RBFOX1: variants seen among roughly 807,000 people sequenced by gnomAD.
RBFOX1 encodes the protein RNA binding protein fox-1 homolog 1.
Under a neutral mutation model 57.7 loss-of-function variants are expected in RBFOX1, and 8 were observed. The observed-to-expected ratio is 0.14, with a 90% CI of 0.08 to 0.25. The LOEUF (loss-of-function observed/expected upper bound fraction) is 0.25, where lower values mean the gene tolerates loss of function less well. Among genes scored for constraint, RBFOX1 ranks in the 10% least tolerant of loss-of-function variants. The pLI, the probability that RBFOX1 is intolerant of heterozygous loss-of-function variation, is 1.00. For missense variants in RBFOX1, 611 were observed against 548.5 expected (o/e 1.11, Z -1.14); for synonymous variants, 326 against 222.4 (o/e 1.47, Z -4.15).
At chr16:7,298,375 G>A (rs927812248) in intron 4 of RBFOX1, among the ~76,000 whole-genome samples, 7 of 136,898 alleles carry the variant, frequency 5.1e-5, no homozygotes, top group Admixed American at 1.7e-4. Context: ...CGCAGCCTCC[G>A]CCTCCTGGGT....
chr16:5,760,350 C>G (rs553888060), intron 3 of RBFOX1, among the ~76,000 whole-genome samples: 5 of 151,436 alleles, frequency 3.3e-5, no homozygotes, highest in African/African-American at 1.2e-4. Context: ...AAGATAAGTA[C>G]TCAGCAATTT....
intron 4 of RBFOX1, among the ~76,000 whole-genome samples, chr16:7,070,658 T>G (rs1241539641): frequency 1.3e-5 from 2 of 152,206 alleles, no homozygotes; most frequent in Middle Eastern, 3.2e-3. Flanking sequence ...CAGAGCCATC[T>G]CCCTTGGCAT....
At chr16:6,152,805 TA>T (rs916820689) in intron 1 of RBFOX1, among the ~76,000 whole-genome samples, 2 of 151,950 alleles carry the variant, frequency 1.3e-5, no homozygotes, top group South Asian at 2.1e-4. Flanking sequence ...AACATCTGTC[TA>T]AAAAAATGCC....
chr16:6,130,824 A>T (rs1354006898), intron 1 of RBFOX1, among the ~76,000 whole-genome samples: 2 of 152,168 alleles, frequency 1.3e-5, no homozygotes, highest in Admixed American at 1.3e-4. Context: ...GGAAGATATA[A>T]CAGCCCTAAA....
chr16:5,270,722 T>G, intron 1 of RBFOX1: 1 of 492,472 alleles, frequency 2.0e-6, no homozygotes, highest in Non-Finnish European at 3.8e-6. Context: ...TTGAAAGAAG[T>G]GGTCAATAAA....
At chr16:5,772,766 C>G (rs574787749) in intron 3 of RBFOX1, among the ~76,000 whole-genome samples, 36 of 152,198 alleles carry the variant, frequency 2.4e-4, no homozygotes, top group African/African-American at 7.9e-4. Flanking sequence ...AGCTTACATT[C>G]TGATTGGCAG....
At chr16:7,031,299 T>TA (rs2042725117) in intron 3 of RBFOX1, among the ~76,000 whole-genome samples, 1 of 152,108 alleles carries the variant, frequency 6.6e-6, no homozygotes, top group African/African-American at 2.4e-5. Flanking sequence ...ACTGTAGAGA[T>TA]AAAAGCAGTA....
chr16:6,110,745 C>T (rs1056059625), intron 1 of RBFOX1, among the ~76,000 whole-genome samples: 4 of 152,082 alleles, frequency 2.6e-5, no homozygotes, highest in African/African-American at 7.2e-5. Flanking sequence ...TTTTGCCCCC[C>T]GCCAGAGGAC....
chr16:5,939,438 A>G lies in RBFOX1; in HGVS notation c.351+72103A>G, dbSNP rs569566056. On this transcript the variant is annotated intron_variant, in intron 4 of 19. Coordinates refer to the RBFOX1 transcript ENST00000641259. ...ACTGGGACTGGGAGAGCTACTCCCAAGATGGCTCACACATGTGGCTTTTGG... is the reference window on the plus strand; with the variant it reads ...ACTGGGACTGGGAGAGCTACTCCCAGGATGGCTCACACATGTGGCTTTTGG... 9.2e-5 allele frequency among the ~76,000 whole-genome samples: 14 copies of G among 152,348 alleles called. No homozygotes were observed. In the South Asian group the frequency reaches 2.9e-3, roughly 32 times the overall value.
chr16:7,117,473 C>T (rs971882106), intron 4 of RBFOX1, among the ~76,000 whole-genome samples: 2 of 152,090 alleles, frequency 1.3e-5, no homozygotes, highest in African/African-American at 4.8e-5. Flanking sequence ...TATCCAATTA[C>T]TTAATGTGTG....
At chr16:5,839,091 G>T (rs1353526266) in intron 3 of RBFOX1, among the ~76,000 whole-genome samples, 1 of 152,164 alleles carries the variant, frequency 6.6e-6, no homozygotes, top group Non-Finnish European at 1.5e-5. Context: ...CTACAGCAAA[G>T]AATTATCTGG....
At chr16:7,385,961 T>TATTTA (rs112997142) in intron 4 of RBFOX1, among the ~76,000 whole-genome samples, 3 of 102,464 alleles carry the variant, frequency 2.9e-5, no homozygotes, top group Non-Finnish European at 6.5e-5. Flanking sequence ...TTTATTTATT[T>TATTTA]TTTATTTTTA....
At chr16:7,596,172 G>GTTT (rs1267738626) in intron 8 of RBFOX1, among the ~76,000 whole-genome samples, 2 of 115,458 alleles carry the variant, frequency 1.7e-5, no homozygotes, top group African/African-American at 3.2e-5. Flanking sequence ...TAAACCTCTC[G>GTTT]TTTTTTTTTT....
intron 1 of RBFOX1, among the ~76,000 whole-genome samples, chr16:6,119,248 A>T (rs1285781633): frequency 6.6e-6 from 1 of 152,070 alleles, no homozygotes; most frequent in Non-Finnish European, 1.5e-5. Flanking sequence ...TATTAATTTT[A>T]GAATTTTTAA....
chr16:6,991,853 T>G (rs908918086), intron 3 of RBFOX1, among the ~76,000 whole-genome samples: 2 of 152,162 alleles, frequency 1.3e-5, no homozygotes, highest in Non-Finnish European at 2.9e-5. Context: ...TTCTGAAATG[T>G]TAATGTGCAT....
chr16:6,445,969 T>G (rs1316163777), intron 2 of RBFOX1, among the ~76,000 whole-genome samples: 1 of 151,552 alleles, frequency 6.6e-6, no homozygotes, highest in Non-Finnish European at 1.5e-5. Flanking sequence ...TTTTAAATTT[T>G]TTTTTATTTT....
chr16:7,320,561 G>C (rs1358707682), intron 4 of RBFOX1, among the ~76,000 whole-genome samples: 2 of 152,126 alleles, frequency 1.3e-5, no homozygotes, highest in African/African-American at 4.8e-5. Flanking sequence ...TTTTGTACTA[G>C]TCCAGAATCT....
At chr16:7,510,482 T>C (rs12919992) in intron 4 of RBFOX1, among the ~76,000 whole-genome samples, 76,745 of 132,950 alleles carry the variant, frequency 0.58, 24,472 homozygotes, top group Non-Finnish European at 0.75. Context: ...TGTGTGTATG[T>C]GTGTCTGTGT....
At chr16:6,321,170 A>G (rs189054999) in intron 2 of RBFOX1, among the ~76,000 whole-genome samples, 34 of 152,310 alleles carry the variant, frequency 2.2e-4, no homozygotes, top group African/African-American at 5.1e-4. Flanking sequence ...TGATGTTTCT[A>G]TACATATACT....
Sources: allele counts gnomAD v4.1 joint callset (sites outside exome capture counted in the v4.1 genomes callset), GRCh38; gene constraint gnomAD v4.1.1; transcripts MANE v1.5; gene names NCBI Gene and HGNC (gene_info 2026-07-23, HGNC 2026-07-21).